The following SELENOP variants were observed in gnomAD, a reference collection of about 807,000 sequenced individuals.
SELENOP encodes the protein selenoprotein P, plasma, 1.
Under a neutral mutation model 41.0 loss-of-function variants are expected in SELENOP, and 36 were observed. That is an observed-to-expected ratio of 0.88 (90% CI 0.67 to 1.16). SELENOP has a LOEUF of 1.16. SELENOP is among the 50% of genes most tolerant of loss of function. The pLI is 0.00. For missense variants in SELENOP, 440 were observed against 454.2 expected (o/e 0.97, Z 0.28); for synonymous variants, 144 against 150.8 (o/e 0.95, Z 0.33).
intron 4 of SELENOP, among the ~76,000 whole-genome samples, chr5:42,804,070 A>G (rs1697670302): frequency 6.6e-6 from 1 of 152,250 alleles, no homozygotes; most frequent in African/African-American, 2.4e-5. Context: ...TGCCCATGCA[A>G]CGTCATTTGG....
rs550372944 is a variant in SELENOP, at chr5:42,804,957, AT to A, written c.417-185del. ...CAGGTACTGCACACCAGGTCAGGTC[AT>A]AGCAACACTATAATTAGTCTAATAC... is the stretch of plus-strand genomic sequence containing the variant. On this transcript the variant is annotated intron_variant, in intron 3 of 4. Coordinates refer to ENST00000514985, the MANE Select transcript of SELENOP (RefSeq NM_005410.4). 593 of 411,182 alleles carry A rather than the reference AT, an allele frequency of 1.4e-3. 2 individuals are homozygous for A. The highest frequency in any genetic ancestry group is 6.6e-3 in the South Asian group (75 of 11,298). The allele number at this position is 411,182 out of a possible 1,614,324, so 25.5% of individuals were successfully genotyped here. A position where few individuals can be genotyped will look rare whatever the true frequency, so the allele number is the denominator to read the frequency against.
intron 3 of SELENOP, chr5:42,806,455 T>C (rs1056772040): frequency 6.4e-6 from 1 of 155,164 alleles, no homozygotes; most frequent in South Asian, 2.0e-4. Flanking sequence ...TTTGTATATA[T>C]GGGATCATCC....
rs367717665 is a variant in SELENOP, at chr5:42,806,888, G to A, written c.416+8C>T. The A allele has an allele frequency of 3.1e-4, 485 of 1,552,336 alleles. No individual in the cohort carries two copies. The highest frequency in any genetic ancestry group is 4.2e-4 in the Non-Finnish European group (471 of 1,127,412). On this transcript the variant is annotated splice_region_variant and intron_variant, in intron 3 of 4. Coordinates refer to ENST00000514985, the MANE Select transcript of SELENOP (RefSeq NM_005410.4). ...AAATTTGGGATGTGTTTGTGTGTATGTACAAACCTATCATATATGAGGAAG... is the reference window on the plus strand; with the variant it reads ...AAATTTGGGATGTGTTTGTGTGTATATACAAACCTATCATATATGAGGAAG...
At position 42,801,016 on chromosome 5, in the gene SELENOP, G is replaced by A; in HGVS notation, c.850C>T (p.Gln284Ter). The change falls in exon 5 of 5, where the codon CAA becomes TAA. Residue 284 changes from glutamine to a stop codon, truncating the protein, a stop_gained. Coordinates refer to ENST00000514985, the MANE Select transcript of SELENOP (RefSeq NM_005410.4). LOFTEE classifies it high-confidence loss of function. ...KKLCRKRCINQLLCKLPTDSE... is the reference protein window; with the variant it reads ...KKLCRKRCIN Reference sequence around the variant, plus strand: ...TCTGTGGGCAATTTACAGAGTAATTGATTTATACATCTCTTTCGACAGAGC... The same window carrying A: ...TCTGTGGGCAATTTACAGAGTAATTAATTTATACATCTCTTTCGACAGAGC... 6.2e-7 allele frequency: 1 copy of A among 1,614,158 alleles called. No individual in the cohort carries two copies. The highest frequency in any genetic ancestry group is 8.5e-7 in the Non-Finnish European group (1 of 1,179,994).
chr5:42,800,568 A>C lies in SELENOP; in HGVS notation c.*152T>G. 1 of 917,046 alleles carries C rather than the reference A, an allele frequency of 1.1e-6. No homozygotes were observed. The highest frequency in any genetic ancestry group is 2.0e-5 in the South Asian group (1 of 49,348). 56.8% of individuals were successfully genotyped at this position (917,046 alleles called of 1,614,324 possible). A position where few individuals can be genotyped will look rare whatever the true frequency, so the allele number is the denominator to read the frequency against. On this transcript the variant is annotated 3_prime_UTR_variant, in exon 5 of 5. Coordinates refer to ENST00000514985, the MANE Select transcript of SELENOP (RefSeq NM_005410.4). Reference sequence around the variant, plus strand: ...TTTGAGTCAATATTTCTATGACATAAAATTTAAAATCTGGAAGCCAATTCA... The same window carrying C: ...TTTGAGTCAATATTTCTATGACATACAATTTAAAATCTGGAAGCCAATTCA...
chr5:42,809,140 T>C (rs1760407019), intron 1 of SELENOP, among the ~76,000 whole-genome samples: 1 of 152,166 alleles, frequency 6.6e-6, no homozygotes, highest in South Asian at 2.1e-4. Flanking sequence ...TCTTATTCCT[T>C]GAAGTCTGGC....
rs1297829417 is a variant in SELENOP, at chr5:42,800,401, T to C, written c.*319A>G. ...TTGTTCTTCCTCCATTCTAAACTGCTAATTATCCAACAGAAACCCCTAGGT... is the reference window on the plus strand; with the variant it reads ...TTGTTCTTCCTCCATTCTAAACTGCCAATTATCCAACAGAAACCCCTAGGT... On this transcript the variant is annotated 3_prime_UTR_variant, in exon 5 of 5. Transcript: ENST00000514985. 5.0e-6 allele frequency: 1 copy of C among 201,414 alleles called. No homozygotes were observed. Among genetic ancestry groups the C allele is most frequent in the Admixed American group, 5.7e-5 (1 of 17,682 alleles). 12.5% of individuals were successfully genotyped at this position (201,414 alleles called of 1,614,324 possible). A position where few individuals can be genotyped will look rare whatever the true frequency, so the allele number is the denominator to read the frequency against.
At position 42,800,968 on chromosome 5, in the gene SELENOP, A is replaced by C; in HGVS notation, c.898T>G (p.Sec300Gly). 6.2e-7 allele frequency: 1 copy of C among 1,614,240 alleles called. No homozygotes were observed. The highest frequency in any genetic ancestry group is 8.5e-7 in the Non-Finnish European group (1 of 1,180,034). The part of the protein sequence containing the change: ...PTDSELAPRS[U>G]CCHCRHLIFE... ...ATCAGATGTCGACAATGGCAGCATC[A>C]GCTCCTAGGAGCCAACTCTGAATCT... Residue 300 changes from selenocysteine (U) to glycine (G), a missense_variant, in exon 5 of 5, where the codon TGA becomes GGA. Coordinates refer to ENST00000514985, the MANE Select transcript of SELENOP (RefSeq NM_005410.4).
In SELENOP at chr5:42,810,778, G is replaced by A. The variant is rs138239633; in HGVS notation, c.-14+1058C>T. 10,283 of 1,091,898 alleles carry A rather than the reference G, an allele frequency of 9.4e-3. 48 individuals are homozygous for A. Among genetic ancestry groups the A allele is most frequent in the Non-Finnish European group, 0.011 (9,521 of 871,006 alleles). 67.6% of individuals were successfully genotyped at this position (1,091,898 alleles called of 1,614,324 possible). On this transcript the variant is annotated intron_variant, in intron 1 of 4. Transcript: ENST00000514985. ...CAGCCCAGAGCACATATTGCAAGTAGCTGAATGGTGAATACAAATGAAAAG... is the reference window on the plus strand; with the variant it reads ...CAGCCCAGAGCACATATTGCAAGTAACTGAATGGTGAATACAAATGAAAAG...
In SELENOP at chr5:42,807,102, TTCTAA is replaced by T; in HGVS notation, c.205_209del (p.Leu69ArgfsTer?). 1.4e-6 allele frequency: 2 copies of T among 1,435,290 alleles called. No homozygotes were observed. Among genetic ancestry groups the T allele is most frequent in the East Asian group, 2.3e-5 (1 of 43,520 alleles). 88.9% of individuals were successfully genotyped at this position (1,435,290 alleles called of 1,614,324 possible). A position where few individuals can be genotyped will look rare whatever the true frequency, so the allele number is the denominator to read the frequency against. On this transcript the variant is annotated frameshift_variant and splice_region_variant, in exon 3 of 5. Transcript: ENST00000514985. LOFTEE classifies it high-confidence loss of function. ...CTTTCTTCAGTTTTACTCGCAGGTC[TTCTAA>T]TCTAAAATATTTGGGAAGAAATACA...
chr5:42,804,784 G>A lies in SELENOP; in HGVS notation c.417-11C>T, dbSNP rs374058305. On this transcript the variant is annotated splice_polypyrimidine_tract_variant and intron_variant, in intron 3 of 4. Coordinates refer to ENST00000514985, the MANE Select transcript of SELENOP (RefSeq NM_005410.4). Reference sequence around the variant, plus strand: ...ACAAGACGGCCACATCTAAGAAAAAGGACAAATACAATGTCACTATAATAT... The same window carrying A: ...ACAAGACGGCCACATCTAAGAAAAAAGACAAATACAATGTCACTATAATAT... 3 of 1,446,658 alleles carry A rather than the reference G, an allele frequency of 2.1e-6. No individual in the cohort carries two copies. The highest frequency in any genetic ancestry group is 3.5e-5 in the Admixed American group (2 of 57,892). The allele number at this position is 1,446,658 out of a possible 1,614,324, so 89.6% of individuals were successfully genotyped here.
At chr5:42,804,890 C>T in intron 3 of SELENOP, 117 bp from the exon 4 acceptor site, 1 of 573,640 alleles carries the variant, frequency 1.7e-6, no homozygotes, top group East Asian at 3.1e-5. Context: ...CCCTTTCACG[C>T]CTTTACTAAA....
At chr5:42,802,372 T>A (rs796922624) in intron 4 of SELENOP, 5 of 152,296 alleles carry the variant, frequency 3.3e-5, no homozygotes, top group African/African-American at 1.2e-4. Context: ...ACTCACTAAG[T>A]GATATGCTTT....
intron 1 of SELENOP, among the ~76,000 whole-genome samples, chr5:42,808,673 C>T (rs1442680463): frequency 4.0e-5 from 6 of 151,752 alleles, no homozygotes; most frequent in Non-Finnish European, 1.5e-5. Flanking sequence ...CTTTGGGAGG[C>T]CGAGGCTGGC....
At chr5:42,804,418 G>A (rs923545915) in intron 4 of SELENOP, among the ~76,000 whole-genome samples, 3 of 152,136 alleles carry the variant, frequency 2.0e-5, no homozygotes, top group Admixed American at 6.5e-5. Flanking sequence ...CCGAGATCGC[G>A]CCACTGCACT....
intron 1 of SELENOP, among the ~76,000 whole-genome samples, chr5:42,809,482 G>T (rs1760414650): frequency 6.6e-6 from 1 of 152,160 alleles, no homozygotes; most frequent in South Asian, 2.1e-4. Flanking sequence ...AGTAATTCAG[G>T]CTCATTTTGA....
In SELENOP at chr5:42,811,851, G is replaced by A. The variant is rs369467139; in HGVS notation, c.-29C>T. The stretch of plus-strand genomic sequence containing the variant: ...TCCTACTTACACAACCACTTCCAAC[G>A]GGCCTGCTTCCTTTCTCTTTGCTTT... On this transcript the variant is annotated 5_prime_UTR_variant, in exon 1 of 5. Transcript: ENST00000514985. The A allele has an allele frequency of 3.9e-5, 6 of 152,030 alleles. No homozygotes were observed. The highest frequency in any genetic ancestry group is 9.7e-5 in the African/African-American group (4 of 41,382). 9.4% of individuals were successfully genotyped at this position (152,030 alleles called of 1,614,324 possible). A position where few individuals can be genotyped will look rare whatever the true frequency, so the allele number is the denominator to read the frequency against.
At chr5:42,810,069 A>G (rs547745511) in intron 1 of SELENOP, among the ~76,000 whole-genome samples, 1 of 152,210 alleles carries the variant, frequency 6.6e-6, no homozygotes, top group Non-Finnish European at 1.5e-5. Flanking sequence ...TAAAACAATT[A>G]TGTGACCATT....
At chr5:42,804,897 T>A (rs912642926) in intron 3 of SELENOP, 124 bp from the exon 4 acceptor site, 3 of 554,408 alleles carry the variant, frequency 5.4e-6, no homozygotes, top group Non-Finnish European at 9.2e-6. Flanking sequence ...ACGCCTTTAC[T>A]AAATTTCTTT....
Sources: gnomAD v4.1 joint callset for allele counts (sites outside exome capture counted in the v4.1 genomes callset) on GRCh38, gnomAD v4.1.1 for gene constraint, MANE v1.5 for transcripts, NCBI Gene and HGNC (gene_info 2026-07-23, HGNC 2026-07-21) for gene names.